The following DHX8 variants were observed in gnomAD, a reference collection of about 807,000 sequenced individuals.
The protein encoded by DHX8 is ATP-dependent RNA helicase DHX8.
In DHX8, 67 loss-of-function variants were observed where a neutral mutation model predicts 140.7. That is an observed-to-expected ratio of 0.48 (90% confidence interval 0.39 to 0.58). The LOEUF (loss-of-function observed/expected upper bound fraction) is 0.58, where lower values mean the gene tolerates loss of function less well. DHX8 is among the 20% of genes least tolerant of loss of function. DHX8 has a pLI of 0.00. For synonymous variants in DHX8, 533 were observed against 553.2 expected (o/e 0.96, Z 0.51); for missense variants, 887 against 1,550.7 (o/e 0.57, Z 7.19).
rs1372251872 is a variant in DHX8 at position 43,507,688 on chromosome 17, G to C, written c.2109G>C (p.Lys703Asn). The C allele has an allele frequency of 6.2e-7, 1 of 1,613,776 alleles. No homozygotes were observed. Among genetic ancestry groups the C allele is most frequent in the South Asian group, 1.1e-5 (1 of 91,072 alleles). The change falls in exon 14 of 23, where the codon AAG (lysine) becomes AAC (asparagine). Residue 703 changes from lysine (K) to asparagine (N), a missense_variant and splice_region_variant. This residue lies in a region of DHX8 where 178 missense variants were observed against 398.5 expected (regional missense o/e 0.45). Coordinates refer to ENST00000262415, the MANE Select transcript of DHX8 (RefSeq NM_004941.3). ...ATGTGCTCTTTGGATTGTTGAAAAA[G>C]GTAACTAGATGCTCTTTAATGACCC... Reference protein sequence around the residue: ...HTDVLFGLLKKTVQKRQDMKL... With the variant: ...HTDVLFGLLKNTVQKRQDMKL...
chr17:43,536,868 A>G (rs1268046899), intron 3 of DHX8, among the ~76,000 whole-genome samples: 1 of 152,174 alleles, frequency 6.6e-6, no homozygotes, highest in East Asian at 1.9e-4. Flanking sequence ...CTCCACTAAG[A>G]CCCAGGAGGG....
intron 3 of DHX8, among the ~76,000 whole-genome samples, chr17:43,540,367 C>A (rs1045314030): frequency 2.1e-4 from 32 of 152,156 alleles, no homozygotes; most frequent in Admixed American, 7.2e-4. Context: ...ACAGGAGAAT[C>A]GCTTGAACCC....
intron 2 of DHX8, chr17:43,536,394 C>T: frequency 6.2e-7 from 1 of 1,601,550 alleles, no homozygotes; most frequent in Non-Finnish European, 8.6e-7. Context: ...TCCTCCACTC[C>T]CTATACCCTC....
intron 16 of DHX8, among the ~76,000 whole-genome samples, chr17:43,508,739 C>T (rs1969627057): frequency 6.6e-6 from 1 of 152,004 alleles, no homozygotes; most frequent in Non-Finnish European, 1.5e-5. Context: ...CCTGCCTCAG[C>T]CTCCTGAGTA....
downstream of DHX8, chr17:43,530,018 A>G (rs1970819082): frequency 6.2e-7 from 1 of 1,607,638 alleles, no homozygotes; most frequent in Non-Finnish European, 8.5e-7. Flanking sequence ...GAGAGTCCAG[A>G]GGGACTCCTG....
chr17:43,529,145 A>T (rs763981798), downstream of DHX8: 4 of 1,613,762 alleles, frequency 2.5e-6, no homozygotes, highest in Non-Finnish European at 3.4e-6. Context: ...CTTCTGCATG[A>T]TGCCTTTCTC....
At chr17:43,513,580 T>C (rs1969958436) in intron 17 of DHX8, 78 bp downstream of exon 17, 1 of 1,473,982 alleles carries the variant, frequency 6.8e-7, no homozygotes, top group Non-Finnish European at 9.1e-7. Flanking sequence ...GTTATATATT[T>C]CAAACTTGTT....
At chr17:43,528,733 T>C (rs1970718513), downstream of DHX8, 2 of 1,613,902 alleles carry the variant, frequency 1.2e-6, no homozygotes, top group Non-Finnish European at 1.7e-6. Flanking sequence ...CACGTAACGC[T>C]CACCAGCCAC....
At chr17:43,533,422 A>C in intron 2 of DHX8, 3 of 1,425,980 alleles carry the variant, frequency 2.1e-6, no homozygotes, top group Non-Finnish European at 2.9e-6. Flanking sequence ...CATTCCTAGG[A>C]AAGCGAGGTC....
At chr17:43,514,720 C>T (rs1404205106) in intron 17 of DHX8, among the ~76,000 whole-genome samples, 3 of 151,904 alleles carry the variant, frequency 2.0e-5, no homozygotes, top group African/African-American at 7.3e-5. Flanking sequence ...GGATGTTCAT[C>T]GAAGGATTGG....
At chr17:43,533,763 T>C in intron 2 of DHX8, 1 of 1,476,858 alleles carries the variant, frequency 6.8e-7, no homozygotes, top group Non-Finnish European at 9.1e-7. Flanking sequence ...GTTGTCTAAC[T>C]TGCATCTCAG....
At chr17:43,530,167 C>T (rs866359165), downstream of DHX8, 5 of 1,556,764 alleles carry the variant, frequency 3.2e-6, no homozygotes, top group Admixed American at 3.9e-5. Context: ...TACATTGATG[C>T]GCACCCGGTG....
At position 43,497,107 on chromosome 17, in the gene DHX8, G is replaced by A. The variant is rs148828661; in HGVS notation, c.1300+839G>A. 1.5e-3 allele frequency among the ~76,000 whole-genome samples: 221 copies of A among 152,108 alleles called. 2 individuals carry two copies. Among genetic ancestry groups the A allele is most frequent in the African/African-American group, 4.7e-3 (197 of 41,490 alleles). On this transcript the variant is annotated intron_variant, in intron 9 of 22. Transcript: ENST00000262415. ...TTTCTTCCTTCTAGGAGTAACCACC[G>A]TCCCACATTTGTGTTAATTACTCCC...
chr17:43,533,911 T>G, intron 2 of DHX8: 1 of 1,594,946 alleles, frequency 6.3e-7, no homozygotes, highest in Non-Finnish European at 8.5e-7. Context: ...GGCTTCCTGC[T>G]GCAGGACAGG....
chr17:43,501,233 T>C (rs1339955134), intron 11 of DHX8, among the ~76,000 whole-genome samples: 1 of 151,964 alleles, frequency 6.6e-6, no homozygotes, highest in Admixed American at 6.6e-5. Context: ...AAAGGATAAA[T>C]TGGACTCAGT....
chr17:43,519,922 CAG>C (rs1043054495), intron 18 of DHX8: 7 of 486,596 alleles, frequency 1.4e-5, no homozygotes, highest in Non-Finnish European at 2.6e-5. Flanking sequence ...GCCTGGGTGA[CAG>C]AGTGAGACTC....
chr17:43,499,268 A>G (rs945003280), intron 10 of DHX8, among the ~76,000 whole-genome samples: 1 of 152,158 alleles, frequency 6.6e-6, no homozygotes, highest in Non-Finnish European at 1.5e-5. Context: ...TTCAAAGGCA[A>G]TTTTGAAGGA....
At chr17:43,516,127 T>C (rs1970103083) in intron 17 of DHX8, among the ~76,000 whole-genome samples, 1 of 152,348 alleles carries the variant, frequency 6.6e-6, no homozygotes, top group South Asian at 2.1e-4. Flanking sequence ...ATTTCTTTCA[T>C]GGTTGCAATT....
intron 3 of DHX8, among the ~76,000 whole-genome samples, chr17:43,540,922 G>A (rs1301115075): frequency 6.6e-6 from 1 of 152,096 alleles, no homozygotes; most frequent in African/African-American, 2.4e-5. Flanking sequence ...CACCCCTGGG[G>A]CCTCATTAAC....
Sources: allele counts gnomAD v4.1 joint callset (sites outside exome capture counted in the v4.1 genomes callset), GRCh38; gene constraint gnomAD v4.1.1; regional missense constraint gnomAD v4.1.1; transcripts MANE v1.5; gene names NCBI Gene and HGNC (gene_info 2026-07-23, HGNC 2026-07-21).